The following PAPOLA variants were observed in gnomAD, a reference collection of about 807,000 sequenced individuals.
PAPOLA encodes poly(A) polymerase alpha, also known as polynucleotide adenylyltransferase alpha.
In PAPOLA, 15 loss-of-function variants were observed where a neutral mutation model predicts 100.6. The observed-to-expected ratio is 0.15, with a 90% CI of 0.10 to 0.23. The LOEUF is 0.23. Ranked by LOEUF, PAPOLA falls within the 10% of genes least tolerant of loss-of-function variation. The probability of loss-of-function intolerance (pLI) is 1.00; values close to 1 mark genes in which losing one functional copy is unlikely to be tolerated. For synonymous variants in PAPOLA, 293 were observed against 300.0 expected (o/e 0.98, Z 0.24); for missense variants, 533 against 884.2 (o/e 0.60, Z 5.04).
intron 1 of PAPOLA, among the ~76,000 whole-genome samples, chr14:96,512,727 A>G (rs1203420395): frequency 6.6e-6 from 1 of 152,246 alleles, no homozygotes; most frequent in East Asian, 1.9e-4. Context: ...GTAAGCATGT[A>G]CTGTAATTAA....
Position 96,565,134 on chromosome 14 carries a change from A to G in PAPOLA, c.*84A>G. 3.8e-6 allele frequency: 3 copies of G among 788,142 alleles called. No individual in the cohort carries two copies. The highest frequency in any genetic ancestry group is 3.7e-5 in the Admixed American group (2 of 54,004). The allele number at this position is 788,142 out of a possible 1,614,324, so 48.8% of individuals were successfully genotyped here. A position where few individuals can be genotyped will look rare whatever the true frequency, so the allele number is the denominator to read the frequency against. On this transcript the variant is annotated 3_prime_UTR_variant, in exon 22 of 22. Transcript: ENST00000216277. ...CTAAAAAAGGAGAATGGAGGGTACA[A>G]GACTAGACATGACTGAAATGGATTT...
chr14:96,521,468 T>G (rs531311688), intron 3 of PAPOLA, among the ~76,000 whole-genome samples: 1 of 152,102 alleles, frequency 6.6e-6, no homozygotes, highest in Non-Finnish European at 1.5e-5. Flanking sequence ...TTATTCAAAC[T>G]GAATATTTAT....
intron 1 of PAPOLA, among the ~76,000 whole-genome samples, chr14:96,511,919 A>G (rs768865127): frequency 2.0e-5 from 3 of 152,232 alleles, no homozygotes; most frequent in Non-Finnish European, 2.9e-5. Flanking sequence ...CTAAAAAGCT[A>G]TTTTAAAAAT....
chr14:96,517,972 G>A (rs1851380534), intron 1 of PAPOLA, among the ~76,000 whole-genome samples: 1 of 152,018 alleles, frequency 6.6e-6, no homozygotes, highest in African/African-American at 2.4e-5. Flanking sequence ...AAAATTTGCT[G>A]GGATTACAAG....
intron 1 of PAPOLA, among the ~76,000 whole-genome samples, chr14:96,507,723 C>T (rs1896830708): frequency 6.6e-6 from 1 of 152,072 alleles, no homozygotes; most frequent in Non-Finnish European, 1.5e-5. Flanking sequence ...TTGGAGTGCT[C>T]AATACATTTT....
chr14:96,541,097 G>C (rs1431487419), intron 12 of PAPOLA, among the ~76,000 whole-genome samples: 3 of 152,130 alleles, frequency 2.0e-5, no homozygotes, highest in African/African-American at 7.2e-5. Context: ...CACTGTGTTA[G>C]CCAGGATGGT....
intron 9 of PAPOLA, chr14:96,532,911 G>A: frequency 8.8e-7 from 1 of 1,135,240 alleles, no homozygotes; most frequent in Non-Finnish European, 1.1e-6. Context: ...AATTTTAGCA[G>A]CTAAGATCCA....
At chr14:96,528,466 C>T (rs753234649) in intron 6 of PAPOLA, among the ~76,000 whole-genome samples, 3 of 152,106 alleles carry the variant, frequency 2.0e-5, no homozygotes, top group Non-Finnish European at 2.9e-5. Flanking sequence ...TTGCTGCTTT[C>T]GGTGTGTGTA....
chr14:96,549,016 A>G (rs1179399649), intron 16 of PAPOLA, among the ~76,000 whole-genome samples: 2 of 152,124 alleles, frequency 1.3e-5, no homozygotes, highest in African/African-American at 4.8e-5. Flanking sequence ...GATTTGTCTC[A>G]TCCCTAAAAT....
Position 96,561,047 on chromosome 14 carries a change from T to A in PAPOLA, c.2067+336T>A, listed in dbSNP as rs146631056. ...GCAGAAATAGCAGTACATGTCTTCA[T>A]TGAAGAAAGAAGTAGCATTTGAAGT... On this transcript the variant is annotated intron_variant, in intron 20 of 21. Transcript: ENST00000216277. 7.9e-5 allele frequency among the ~76,000 whole-genome samples: 12 copies of A among 152,284 alleles called. No homozygotes were observed. The East Asian group carries it at 2.1e-3, about 27-fold the overall frequency.
chr14:96,535,968 A>G lies in PAPOLA; in HGVS notation c.999A>G (p.Thr333=), dbSNP rs1366312496. The change falls in exon 11 of 22, where the codon ACA becomes ACG. Residue 333 remains threonine, a synonymous_variant. Coordinates refer to ENST00000216277, the MANE Select transcript of PAPOLA (RefSeq NM_032632.5). The part of the protein sequence containing the change: ...QNSTYNVSVS[T]RMVMVEEFKQ... Reference sequence around the variant, plus strand: ...CCACGTACAATGTGTCCGTTTCAACACGGATGGTCATGGTTGAGGAGTTTA... The same window carrying G: ...CCACGTACAATGTGTCCGTTTCAACGCGGATGGTCATGGTTGAGGAGTTTA... 6.2e-7 allele frequency: 1 copy of G among 1,606,776 alleles called. No individual in the cohort carries two copies. Among genetic ancestry groups the G allele is most frequent in the Non-Finnish European group, 8.5e-7 (1 of 1,176,298 alleles).
chr14:96,554,644 TAGAGACAG>T (rs1254638327), intron 17 of PAPOLA, among the ~76,000 whole-genome samples: 1 of 152,060 alleles, frequency 6.6e-6, no homozygotes, highest in East Asian at 1.9e-4. Flanking sequence ...CAGACACAGA[TAGAGACAG>T]AGAGAGAAAC....
Position 96,565,293 on chromosome 14 carries a change from T to A in PAPOLA, c.*243T>A. The A allele has an allele frequency of 1.3e-4, 49 of 376,034 alleles. No individual in the cohort carries two copies. Among genetic ancestry groups the A allele is most frequent in the Middle Eastern group, 7.0e-4 (1 of 1,432 alleles). The allele number at this position is 376,034 out of a possible 1,614,324, so 23.3% of individuals were successfully genotyped here. On this transcript the variant is annotated 3_prime_UTR_variant, in exon 22 of 22. Coordinates refer to ENST00000216277, the MANE Select transcript of PAPOLA (RefSeq NM_032632.5). Reference sequence around the variant, plus strand: ...TAACTATTTCAAAAATTACTGCCTTTAAAAAAAACAACCTCAAGCTATATT... The same window carrying A: ...TAACTATTTCAAAAATTACTGCCTTAAAAAAAAACAACCTCAAGCTATATT...
intron 7 of PAPOLA, 155 bp downstream of exon 7, chr14:96,531,741 A>G (rs2140282722): frequency 1.4e-6 from 2 of 1,476,808 alleles, no homozygotes; most frequent in South Asian, 2.7e-5. Flanking sequence ...ACAGAAGAGT[A>G]TGTAGTAGTT....
intron 15 of PAPOLA, among the ~76,000 whole-genome samples, chr14:96,546,595 T>C (rs2140310899): frequency 2.0e-5 from 3 of 152,252 alleles, no homozygotes; most frequent in East Asian, 3.9e-4. Flanking sequence ...GTAAGTAATA[T>C]ACCCAGTGAG....
chr14:96,542,331 A>C lies in PAPOLA; in HGVS notation c.1169+35A>C, dbSNP rs113983647. 2.8e-4 allele frequency: 382 copies of C among 1,350,420 alleles called. 1 individual carries two copies. The African/African-American group carries it at 5.0e-3, about 18-fold the overall frequency. The allele number at this position is 1,350,420 out of a possible 1,614,324, so 83.7% of individuals were successfully genotyped here. A position where few individuals can be genotyped will look rare whatever the true frequency, so the allele number is the denominator to read the frequency against. ...AGAATAGACTTTACAGAAAAAGCAA[A>C]CTTCAAAATGAATCACATAGCCACT... On this transcript the variant is annotated intron_variant, in intron 13 of 21. Coordinates refer to ENST00000216277, the MANE Select transcript of PAPOLA (RefSeq NM_032632.5).
At chr14:96,549,849 A>G (rs904608392) in intron 16 of PAPOLA, among the ~76,000 whole-genome samples, 39 of 152,204 alleles carry the variant, frequency 2.6e-4, no homozygotes, top group African/African-American at 8.9e-4. Flanking sequence ...TTTATCACAT[A>G]CAGAAAATAT....
intron 6 of PAPOLA, among the ~76,000 whole-genome samples, chr14:96,528,690 C>A (rs796290136): frequency 6.6e-6 from 1 of 152,188 alleles, no homozygotes; most frequent in African/African-American, 2.4e-5. Flanking sequence ...GAGCTTAAAT[C>A]TAGCCTGGCA....
intron 3 of PAPOLA, among the ~76,000 whole-genome samples, chr14:96,521,521 C>T (rs540073718): frequency 7.2e-4 from 110 of 152,128 alleles, no homozygotes; most frequent in Middle Eastern, 3.4e-3. Flanking sequence ...GACAGGGTCT[C>T]GCTCTGTCAT....
Sources: gnomAD v4.1 joint callset for allele counts (sites outside exome capture counted in the v4.1 genomes callset) on GRCh38, gnomAD v4.1.1 for gene constraint, MANE v1.5 for transcripts, NCBI Gene and HGNC (gene_info 2026-07-23, HGNC 2026-07-21) for gene names.